The following TBCD variants were observed in gnomAD, a reference collection of about 807,000 sequenced individuals.
TBCD encodes tubulin folding cofactor D.
Under a neutral mutation model 169.3 loss-of-function variants are expected in TBCD, and 105 were observed. The ratio of observed to expected loss-of-function variants is 0.62; its 90% CI spans 0.53 to 0.73. TBCD has a LOEUF of 0.73. TBCD is among the 30% of genes least tolerant of loss of function. The pLI is 0.00. For missense variants in TBCD, 1,444 were observed against 1,600.1 expected (o/e 0.90, Z 1.66); for synonymous variants, 700 against 643.9 (o/e 1.09, Z -1.32).
In TBCD at chr17:82,846,274, CCTCTTGT is replaced by C. The variant is rs1567878950; in HGVS notation, c.1319-23948_1319-23942del. Among the ~76,000 whole-genome samples, 1,144 of 149,276 alleles carry C rather than the reference CCTCTTGT, an allele frequency of 7.7e-3. 39 individuals are homozygous for C. Among genetic ancestry groups the C allele is most frequent in the Non-Finnish European group, 0.011 (764 of 66,904 alleles). On this transcript the variant is annotated intron_variant, in intron 13 of 38. Transcript: ENST00000355528. ...ACGCGCTGCGTCCTCTGTGCTGTGT[CCTCTTGT>C]CCAGCCCTCTGCTGCCCCCTCCACG...
In TBCD at chr17:82,943,707, G is replaced by A. The variant is rs1200801637; in HGVS notation, c.*1244G>A. On this transcript the variant is annotated 3_prime_UTR_variant, in exon 39 of 39. Coordinates refer to ENST00000355528, the MANE Select transcript of TBCD (RefSeq NM_005993.5). ...ATGTGTGTGACGACCTGGCCACACA[G>A]GAGTGTGGGGTTAACACACTACTGT... is the stretch of plus-strand genomic sequence containing the variant. 1 of 152,254 alleles carries A rather than the reference G, an allele frequency of 6.6e-6. No individual in the cohort carries two copies. Among genetic ancestry groups the A allele is most frequent in the African/African-American group, 2.4e-5 (1 of 41,464 alleles). 9.4% of individuals were successfully genotyped at this position (152,254 alleles called of 1,614,324 possible).
intron 13 of TBCD, among the ~76,000 whole-genome samples, chr17:82,853,936 C>A (rs2056034475): frequency 6.6e-6 from 1 of 151,966 alleles, no homozygotes; most frequent in Non-Finnish European, 1.5e-5. Context: ...CTATTGGGCC[C>A]CCAACCCAGT....
chr17:82,809,807 G>C (rs776001328), intron 12 of TBCD, 25 bp downstream of exon 12: 1 of 1,608,354 alleles, frequency 6.2e-7, no homozygotes, highest in Admixed American at 1.7e-5. Flanking sequence ...CAGGGGAGGC[G>C]TGTGGGCCTG....
intron 13 of TBCD, among the ~76,000 whole-genome samples, chr17:82,847,539 G>A (rs1379255156): frequency 2.6e-5 from 4 of 152,120 alleles, no homozygotes; most frequent in African/African-American, 7.2e-5. Flanking sequence ...ATTTGTTGAC[G>A]TTGATGAGTA....
At chr17:82,918,622 T>A (rs2061221183) in intron 23 of TBCD, 1 of 152,202 alleles carries the variant, frequency 6.6e-6, no homozygotes, top group South Asian at 2.1e-4. Context: ...TACAAGCCTT[T>A]TCATGTCTAC....
Position 82,831,765 on chromosome 17 carries a change from G to A in TBCD, c.1318+16831G>A. 1 of 1,614,178 alleles carries A rather than the reference G, an allele frequency of 6.2e-7. No homozygotes were observed. The highest frequency in any genetic ancestry group is 8.5e-7 in the Non-Finnish European group (1 of 1,180,026). On this transcript the variant is annotated intron_variant, in intron 13 of 38. Transcript: ENST00000355528. The surrounding 1 kb of genome is among the most constrained non-coding windows in gnomAD (Gnocchi z 4.6). ...TTGTGGGGTGCATGTAAGGGGAAATGGCCCCAAGCCCCTTTGTAGATGAGA... is the reference window on the plus strand; with the variant it reads ...TTGTGGGGTGCATGTAAGGGGAAATAGCCCCAAGCCCCTTTGTAGATGAGA...
In TBCD at chr17:82,835,154, T is replaced by C. The variant is rs546634396; in HGVS notation, c.1318+20220T>C. Among the ~76,000 whole-genome samples, 1 of 152,184 alleles carries C rather than the reference T, an allele frequency of 6.6e-6. No individual in the cohort carries two copies. The highest frequency in any genetic ancestry group is 1.9e-4 in the East Asian group (1 of 5,156). ...ATGGGCAGATGTGCCCATTCTTGAG[T>C]CTGTGAGGTTTTATGTGTAGACATC... On this transcript the variant is annotated intron_variant, in intron 13 of 38. Coordinates refer to ENST00000355528, the MANE Select transcript of TBCD (RefSeq NM_005993.5). This position sits in a 1 kb window ranked among gnomAD's most constrained non-coding sequence, Gnocchi z 4.5.
chr17:82,862,098 A>T (rs889555879), intron 13 of TBCD, among the ~76,000 whole-genome samples: 1 of 151,582 alleles, frequency 6.6e-6, no homozygotes, highest in African/African-American at 2.4e-5. Flanking sequence ...AATTTTTTGT[A>T]TTTTTAGTAG....
Position 82,877,017 on chromosome 17 carries a change from T to C in TBCD, c.1475+6637T>C, listed in dbSNP as rs376180139. 3 of 972,660 alleles carry C rather than the reference T, an allele frequency of 3.1e-6. No homozygotes were observed. In the East Asian group the frequency reaches 3.4e-4, roughly 111 times the overall value. The allele number at this position is 972,660 out of a possible 1,614,324, so 60.3% of individuals were successfully genotyped here. A position where few individuals can be genotyped will look rare whatever the true frequency, so the allele number is the denominator to read the frequency against. ...TAGATGATTTTAAGTTTCTTCTCTT[T>C]TTTCCATTCTTTCTTCATTAATCAA... On this transcript the variant is annotated intron_variant, in intron 14 of 38. Transcript: ENST00000355528.
chr17:82,890,263 G>T lies in TBCD; in HGVS notation c.1563+566G>T, dbSNP rs950880123. On this transcript the variant is annotated intron_variant, in intron 16 of 38. Coordinates refer to ENST00000355528, the MANE Select transcript of TBCD (RefSeq NM_005993.5). The surrounding 1 kb of genome is among the most constrained non-coding windows in gnomAD (Gnocchi z 5.3). ...TGTGTGATGACGTCACATCTTGGGCGTGTGGTTGGGTCTTGCAGGAGAGTG... is the reference window on the plus strand; with the variant it reads ...TGTGTGATGACGTCACATCTTGGGCTTGTGGTTGGGTCTTGCAGGAGAGTG... 6.6e-6 allele frequency among the ~76,000 whole-genome samples: 1 copy of T among 152,216 alleles called. No homozygotes were observed. The highest frequency in any genetic ancestry group is 1.5e-5 in the Non-Finnish European group (1 of 68,040).
chr17:82,881,603 G>T (rs1019303720), intron 14 of TBCD, among the ~76,000 whole-genome samples: 7 of 152,198 alleles, frequency 4.6e-5, no homozygotes, highest in Non-Finnish European at 1.0e-4. Context: ...CCGTGCCTAC[G>T]TGCCCTCCTG....
At chr17:82,859,179 C>G (rs1193040575) in intron 13 of TBCD, among the ~76,000 whole-genome samples, 1 of 147,214 alleles carries the variant, frequency 6.8e-6, no homozygotes, top group Non-Finnish European at 1.5e-5. Context: ...TCTTGTGGGT[C>G]GTCTGGCCTG....
chr17:82,940,245 A>ACT (rs2063056854), intron 37 of TBCD, among the ~76,000 whole-genome samples: 1 of 150,878 alleles, frequency 6.6e-6, no homozygotes, highest in Non-Finnish European at 1.5e-5. Context: ...ACACACACAC[A>ACT]CTTCTAAAAG....
At chr17:82,939,568 C>G in intron 37 of TBCD, 92 bp downstream of exon 37, 1 of 1,030,134 alleles carries the variant, frequency 9.7e-7, no homozygotes, top group South Asian at 1.4e-5. Context: ...CCAAAACCCT[C>G]TGATAGGAGG....
rs777841795 is a variant in TBCD at position 82,805,840 on chromosome 17, AC to A, written c.951-34del. The A allele has an allele frequency of 8.8e-6, 14 of 1,583,628 alleles. No individual in the cohort carries two copies. In the African/African-American group the frequency reaches 1.7e-4, roughly 20 times the overall value. Reference sequence around the variant, plus strand: ...TCCAGTCATCAGGATGCTGTGAGCTACAAAGCTGATCTGAGGATGCTTTGCT... The same window carrying A: ...TCCAGTCATCAGGATGCTGTGAGCTAAAAGCTGATCTGAGGATGCTTTGCT... On this transcript the variant is annotated intron_variant, in intron 9 of 38. Transcript: ENST00000355528.
intron 13 of TBCD, chr17:82,860,571 C>A: frequency 2.3e-6 from 1 of 439,188 alleles, no homozygotes; most frequent in Non-Finnish European, 3.0e-6. Context: ...CTGAGGAGGG[C>A]TGGCCACACT....
chr17:82,939,616 A>G lies in TBCD; in HGVS notation c.3479+140A>G, dbSNP rs8073471. 95,579 of 688,292 alleles carry G rather than the reference A, an allele frequency of 0.14. 7,562 individuals carry two copies. The highest frequency in any genetic ancestry group is 0.26 in the South Asian group (14,653 of 55,986). The allele number at this position is 688,292 out of a possible 1,614,324, so 42.6% of individuals were successfully genotyped here. A position where few individuals can be genotyped will look rare whatever the true frequency, so the allele number is the denominator to read the frequency against. On this transcript the variant is annotated intron_variant, in intron 37 of 38. Coordinates refer to ENST00000355528, the MANE Select transcript of TBCD (RefSeq NM_005993.5). Reference sequence around the variant, plus strand: ...TCCCAGGTCTCCACATCCTCTGCTTAGGTTTTACAAGGCAGCCGTGCTGCT... The same window carrying G: ...TCCCAGGTCTCCACATCCTCTGCTTGGGTTTTACAAGGCAGCCGTGCTGCT...
chr17:82,791,130 T>A (rs1017475329), intron 7 of TBCD, among the ~76,000 whole-genome samples: 2 of 150,182 alleles, frequency 1.3e-5, no homozygotes, highest in South Asian at 4.3e-4. Flanking sequence ...CTCGCTCTGT[T>A]GCCCTGGCTG....
chr17:82,831,562 G>A lies in TBCD; in HGVS notation c.1318+16628G>A, dbSNP rs747035190. The A allele has an allele frequency of 6.2e-7, 1 of 1,614,202 alleles. No homozygotes were observed. The highest frequency in any genetic ancestry group is 1.1e-5 in the South Asian group (1 of 91,080). ...CCTGTAGTGATCGTATGTGGCTGGAGATGGAGCCAGGTGCTTAGGGATCGG... is the reference window on the plus strand; with the variant it reads ...CCTGTAGTGATCGTATGTGGCTGGAAATGGAGCCAGGTGCTTAGGGATCGG... On this transcript the variant is annotated intron_variant, in intron 13 of 38. Transcript: ENST00000355528. The surrounding 1 kb of genome is among the most constrained non-coding windows in gnomAD (Gnocchi z 4.6).
Sources: allele counts gnomAD v4.1 joint callset (sites outside exome capture counted in the v4.1 genomes callset), GRCh38; gene constraint gnomAD v4.1.1; non-coding constraint Gnocchi (gnomAD v3.1); transcripts MANE v1.5; gene names NCBI Gene and HGNC (gene_info 2026-07-23, HGNC 2026-07-21).